DNMT3L: variants seen among roughly 807,000 people sequenced by gnomAD.
DNMT3L encodes the protein DNA methyltransferase 3 like.
A neutral mutation model predicts 36.2 loss-of-function variants in DNMT3L; 33 were observed. That is an observed-to-expected ratio of 0.91 (90% CI 0.69 to 1.22). The LOEUF is 1.22. DNMT3L is among the 50% of genes most tolerant of loss of function. The pLI is 0.00. For synonymous variants in DNMT3L, 117 were observed against 121.7 expected, an observed-to-expected ratio of 0.96 and a Z score of 0.26; for missense variants, 310 against 303.1, an observed-to-expected ratio of 1.02 and a Z score of -0.17.
In DNMT3L at chr21:44,261,188, C is replaced by G; in HGVS notation, c.72G>C (p.Glu24Asp). ...TCCCGGGTGAAACGGAGCTTGAGAGCTCACTGGATCCCACCAAAATCACGT... is the reference window on the plus strand; with the variant it reads ...TCCCGGGTGAAACGGAGCTTGAGAGGTCACTGGATCCCACCAAAATCACGT... ...SMDVILVGSS[E>D]LSSSVSPGTG... The change falls in exon 2 of 12, where the codon GAG (glutamate) becomes GAC (aspartate). Residue 24 changes from glutamate (E) to aspartate (D), a missense_variant. By Grantham distance (45) the Glu-to-Asp change is conservative. Coordinates refer to ENST00000628202, the MANE Select transcript of DNMT3L (RefSeq NM_175867.3). The G allele has an allele frequency of 6.2e-7, 1 of 1,612,708 alleles. No individual in the cohort carries two copies. Among genetic ancestry groups the G allele is most frequent in the Non-Finnish European group, 8.5e-7 (1 of 1,179,888 alleles).
chr21:44,254,339 A>AGCTCTGG (rs548168054), intron 8 of DNMT3L, among the ~76,000 whole-genome samples: 2 of 152,140 alleles, frequency 1.3e-5, no homozygotes, highest in Non-Finnish European at 1.5e-5. Flanking sequence ...CCCTGCTCTG[A>AGCTCTGG]GCTCTGGGCT....
intron 8 of DNMT3L, among the ~76,000 whole-genome samples, chr21:44,253,664 A>AGCC (rs1171591651): frequency 1.3e-5 from 2 of 152,192 alleles, no homozygotes; most frequent in East Asian, 3.8e-4. Context: ...GGTTGCAGTG[A>AGCC]GCCCAGATTG....
chr21:44,254,828 T>C, intron 7 of DNMT3L, 123 bp from the exon 8 acceptor site: 1 of 610,526 alleles, frequency 1.6e-6, no homozygotes, highest in Non-Finnish European at 2.5e-6. Flanking sequence ...CTGTATATTT[T>C]TGTTGTTGTT....
At chr21:44,259,289 C>A in intron 5 of DNMT3L, 148 bp downstream of exon 5, 2 of 818,844 alleles carry the variant, frequency 2.4e-6, no homozygotes, top group South Asian at 1.7e-5. Context: ...GGGCTCTATG[C>A]CAAATGACGC....
Position 44,258,688 on chromosome 21 carries a change from G to A in DNMT3L, c.351C>T (p.Tyr117=), listed in dbSNP as rs769306664. Reference sequence around the variant, plus strand: ...CCAGGCTATCCACACACTCGAAGCAGTAGCATCTAAGGCCAGACAGAAAAC... The same window carrying A: ...CCAGGCTATCCACACACTCGAAGCAATAGCATCTAAGGCCAGACAGAAAAC... The part of the protein sequence containing the change: ...ICGNPDCTRC[Y]CFECVDSLVG... The change falls in exon 6 of 12, where the codon TAC becomes TAT. Residue 117 remains tyrosine (Y), a synonymous_variant. Coordinates refer to ENST00000628202, the MANE Select transcript of DNMT3L (RefSeq NM_175867.3). This position sits in a 1 kb window ranked among gnomAD's most constrained non-coding sequence, Gnocchi z 6.2. 1.9e-6 allele frequency: 3 copies of A among 1,612,502 alleles called. No homozygotes were observed. The highest frequency in any genetic ancestry group is 2.5e-6 in the Non-Finnish European group (3 of 1,179,740).
At chr21:44,261,049 G>A (rs532590880) in intron 2 of DNMT3L, 105 bp downstream of exon 2, 2 of 1,447,462 alleles carry the variant, frequency 1.4e-6, no homozygotes, top group East Asian at 4.6e-5. Flanking sequence ...CAGCCCGGGT[G>A]CCTGAATAAT....
rs560364197 is a variant in DNMT3L at position 44,257,598 on chromosome 21, G to A, written c.516+925C>T. ...TGGGAGGCTGAGGCAGGAGAATGGC[G>A]TGAACCTGGGAGGCGGAGCTTGCAG... On this transcript the variant is annotated intron_variant, in intron 6 of 11. Coordinates refer to ENST00000628202, the MANE Select transcript of DNMT3L (RefSeq NM_175867.3). 9.5e-3 allele frequency among the ~76,000 whole-genome samples: 1,403 copies of A among 147,236 alleles called. 18 individuals carry two copies. Among genetic ancestry groups the A allele is most frequent in the Middle Eastern group, 0.021 (6 of 284 alleles).
chr21:44,260,030 C>T (rs970080284), intron 3 of DNMT3L, among the ~76,000 whole-genome samples: 1 of 107,404 alleles, frequency 9.3e-6, no homozygotes, highest in African/African-American at 3.9e-5. Flanking sequence ...GCCTGGGGGA[C>T]AGAGTGAGAG....
At chr21:44,256,545 C>A (rs905237700) in intron 6 of DNMT3L, among the ~76,000 whole-genome samples, 2 of 151,768 alleles carry the variant, frequency 1.3e-5, no homozygotes, top group African/African-American at 4.9e-5. Context: ...CTGCTTCACC[C>A]TCCCGAGTAG....
At chr21:44,254,879 G>A (rs753172941) in intron 7 of DNMT3L, among the ~76,000 whole-genome samples, 174 bp from the exon 8 acceptor site, 5 of 152,152 alleles carry the variant, frequency 3.3e-5, no homozygotes, top group African/African-American at 4.8e-5. Flanking sequence ...AGGCTGGAGC[G>A]CAGTGGCGTG....
Position 44,254,665 on chromosome 21 carries a change from C to A in DNMT3L, c.645G>T (p.Pro215=), listed in dbSNP as rs140994399. ...CATCAACCACATGCTTCAGTTGTCC[C>A]GGGTCAGAACCACTTTCCAAAAAGC... ...SLGFLESGSD[P]GQLKHVVDVT... is the part of the protein sequence containing the mutation. Residue 215 remains proline (P), a synonymous_variant, in exon 8 of 12, where the codon CCG becomes CCT. Coordinates refer to ENST00000628202, the MANE Select transcript of DNMT3L (RefSeq NM_175867.3). 9 of 1,613,970 alleles carry A rather than the reference C, an allele frequency of 5.6e-6. No individual in the cohort carries two copies. The highest frequency in any genetic ancestry group is 7.6e-6 in the Non-Finnish European group (9 of 1,179,980).
At chr21:44,254,584 C>A in intron 8 of DNMT3L, 33 bp downstream of exon 8, 1 of 1,610,560 alleles carries the variant, frequency 6.2e-7, no homozygotes, top group Non-Finnish European at 8.5e-7. Flanking sequence ...CCCGCTCCCA[C>A]TACAGTGTCT....
At chr21:44,254,277 GGAATTTGGCTACTTA>G (rs2040240331) in intron 8 of DNMT3L, among the ~76,000 whole-genome samples, 1 of 152,228 alleles carries the variant, frequency 6.6e-6, no homozygotes, top group African/African-American at 2.4e-5. Flanking sequence ...CACAGGCAGT[GGAATTTGGCTACTTA>G]GATTTCAAGA....
intron 5 of DNMT3L, 114 bp downstream of exon 5, chr21:44,259,323 C>G (rs1229959808): frequency 4.6e-6 from 5 of 1,085,604 alleles, no homozygotes; most frequent in Non-Finnish European, 6.8e-6. Context: ...ATCAGAAGCT[C>G]TCAGGGAAAT....
In DNMT3L at chr21:44,255,992, G is replaced by A. The variant is rs1417958597; in HGVS notation, c.604+75C>T. On this transcript the variant is annotated intron_variant, in intron 7 of 11. Coordinates refer to ENST00000628202, the MANE Select transcript of DNMT3L (RefSeq NM_175867.3). ...TCTAGGGGAGGGGGTGGGGAGTCCC[G>A]GGGGGTGGCCTGAGGGGCAGTCAGG... The A allele has an allele frequency of 8.7e-6, 13 of 1,498,474 alleles. No homozygotes were observed. In the East Asian group the frequency reaches 1.4e-4, roughly 16 times the overall value. The allele number at this position is 1,498,474 out of a possible 1,614,324, so 92.8% of individuals were successfully genotyped here.
intron 7 of DNMT3L, among the ~76,000 whole-genome samples, chr21:44,255,526 G>A (rs2040250852): frequency 6.7e-6 from 1 of 149,386 alleles, no homozygotes; most frequent in Non-Finnish European, 1.5e-5. Context: ...AGGATGTCAA[G>A]GACTGTATTA....
intron 6 of DNMT3L, among the ~76,000 whole-genome samples, 175 bp from the exon 7 acceptor site, chr21:44,256,329 G>C (rs2040259145): frequency 6.6e-6 from 1 of 151,796 alleles, no homozygotes; most frequent in Admixed American, 6.6e-5. Flanking sequence ...TGCCCCCCCA[G>C]GAAGGCCAAC....
chr21:44,256,419 A>ATTTTTT (rs937821792), intron 6 of DNMT3L, among the ~76,000 whole-genome samples: 2,736 of 103,664 alleles, frequency 0.026, 131 homozygotes, highest in East Asian at 0.16. Flanking sequence ...GGGTTTGCTG[A>ATTTTTT]TTTTTTTTTT....
At chr21:44,256,981 T>G (rs567718101) in intron 6 of DNMT3L, among the ~76,000 whole-genome samples, 15,515 of 152,216 alleles carry the variant, frequency 0.1, 941 homozygotes, top group Middle Eastern at 0.18. Flanking sequence ...TGGAGGCCAG[T>G]GCAGTTTCAT....
Sources: gnomAD v4.1 joint callset for allele counts (sites outside exome capture counted in the v4.1 genomes callset) on GRCh38, gnomAD v4.1.1 for gene constraint, Gnocchi (gnomAD v3.1) non-coding constraint, MANE v1.5 for transcripts, NCBI Gene and HGNC (gene_info 2026-07-23, HGNC 2026-07-21) for gene names.